ABCA3: variants seen among roughly 807,000 people sequenced by gnomAD.
ABCA3 encodes the protein ATP binding cassette subfamily A member 3, also known as phospholipid-transporting ATPase ABCA3.
A neutral mutation model predicts 172.8 loss-of-function variants in ABCA3; 88 were observed. The ratio of observed to expected loss-of-function variants is 0.51; its 90% CI spans 0.43 to 0.61. The LOEUF is 0.61. Among genes scored for constraint, ABCA3 ranks in the 20% least tolerant of loss-of-function variants. The probability of loss-of-function intolerance (pLI) is 0.00; values close to 1 mark genes in which losing one functional copy is unlikely to be tolerated. For synonymous variants in ABCA3, 1,066 were observed against 983.8 expected (o/e 1.08, Z -1.56); for missense variants, 2,164 against 2,301.0 (o/e 0.94, Z 1.22).
intron 11 of ABCA3, among the ~76,000 whole-genome samples, chr16:2,305,453 T>C (rs532981724): frequency 7.9e-5 from 12 of 152,206 alleles, no homozygotes; most frequent in African/African-American, 9.6e-5. Context: ...TGCGCCACCA[T>C]GCCCAGCTGA....
Position 2,284,712 on chromosome 16 carries a change from C to T in ABCA3, c.3703+67G>A. The T allele has an allele frequency of 6.5e-7, 1 of 1,528,316 alleles. No homozygotes were observed. The allele number at this position is 1,528,316 out of a possible 1,614,324, so 94.7% of individuals were successfully genotyped here. A position where few individuals can be genotyped will look rare whatever the true frequency, so the allele number is the denominator to read the frequency against. On this transcript the variant is annotated intron_variant, in intron 24 of 32. Coordinates refer to ENST00000301732, the MANE Select transcript of ABCA3 (RefSeq NM_001089.3). This position sits in a 1 kb window ranked among gnomAD's most constrained non-coding sequence, Gnocchi z 5.9. ...GTCCCGCCTCGGCTGTGGCTGGTGC[C>T]TCCCTGTCTGGGCGGAGTGGCTCCG...
chr16:2,285,244 C>T lies in ABCA3; in HGVS notation c.3483+198G>A, dbSNP rs2141694817. On this transcript the variant is annotated intron_variant, in intron 23 of 32. Coordinates refer to ENST00000301732, the MANE Select transcript of ABCA3 (RefSeq NM_001089.3). This position sits in a 1 kb window ranked among gnomAD's most constrained non-coding sequence, Gnocchi z 4.7. ...CCAGGATGGCTGCTCCGGGTGCTGC[C>T]CATGCATGGAGGGTAAAGGCTGAGG... 6.6e-6 allele frequency among the ~76,000 whole-genome samples: 1 copy of T among 152,302 alleles called. No individual in the cohort carries two copies. The highest frequency in any genetic ancestry group is 3.4e-3 in the Middle Eastern group (1 of 294).
At chr16:2,317,799 G>A (rs375788368) in intron 8 of ABCA3, 35 bp from the exon 9 acceptor site, 66 of 1,592,026 alleles carry the variant, frequency 4.1e-5, no homozygotes, top group African/African-American at 3.5e-4. Context: ...CTGGGGGCCC[G>A]TCACTGCCCG....
At chr16:2,339,417 G>A (rs184595196) in intron 1 of ABCA3, 1 of 152,216 alleles carries the variant, frequency 6.6e-6, no homozygotes, top group African/African-American at 2.4e-5. Flanking sequence ...AATTATCTAA[G>A]AAGTTAAAAA....
At chr16:2,331,255 C>G (rs1417552028) in intron 1 of ABCA3, among the ~76,000 whole-genome samples, 2 of 151,966 alleles carry the variant, frequency 1.3e-5, no homozygotes, top group Admixed American at 6.6e-5. Flanking sequence ...GCTCTGTCGC[C>G]GAGGCTGGGC....
intron 20 of ABCA3, chr16:2,289,230 C>T (rs1442026014): frequency 6.3e-6 from 4 of 635,152 alleles, no homozygotes; most frequent in Non-Finnish European, 1.1e-5. Context: ...TGAGGTAGAG[C>T]ATGAGAAATT....
In ABCA3 at chr16:2,279,989, G is replaced by GTT. The variant is rs1250000653; in HGVS notation, c.4360-860_4360-859insAA. Among the ~76,000 whole-genome samples the GTT allele has an allele frequency of 6.6e-6, 1 of 152,236 alleles. No homozygotes were observed. Among genetic ancestry groups the GTT allele is most frequent in the Non-Finnish European group, 1.5e-5 (1 of 68,050 alleles). ...TGGTCTCGAACTCTAGACCTCAAGTGATCTGCCTGCCTTGGCCTTCCAAAG... is the reference window on the plus strand; with the variant it reads ...TGGTCTCGAACTCTAGACCTCAAGTGTTATCTGCCTGCCTTGGCCTTCCAAAG... On this transcript the variant is annotated intron_variant, in intron 28 of 32. Coordinates refer to ENST00000301732, the MANE Select transcript of ABCA3 (RefSeq NM_001089.3). The surrounding 1 kb of genome is among the most constrained non-coding windows in gnomAD (Gnocchi z 4.4).
At chr16:2,290,001 A>ACACACACC (rs770697754) in intron 19 of ABCA3, among the ~76,000 whole-genome samples, 3 of 137,116 alleles carry the variant, frequency 2.2e-5, no homozygotes, top group African/African-American at 5.2e-5. Context: ...ACACACACAC[A>ACACACACC]CCCCTTCCTA....
chr16:2,283,035 G>T lies in ABCA3; in HGVS notation c.4035+151C>A. ...GCTGTGCCCCGCCCTGGCTGTAAGTGCCGGCTGGTGCTGAGGCCGTACAGT... is the reference window on the plus strand; with the variant it reads ...GCTGTGCCCCGCCCTGGCTGTAAGTTCCGGCTGGTGCTGAGGCCGTACAGT... On this transcript the variant is annotated intron_variant, in intron 26 of 32. Transcript: ENST00000301732. The surrounding 1 kb of genome is among the most constrained non-coding windows in gnomAD (Gnocchi z 5.4). The T allele has an allele frequency of 2.2e-6, 2 of 911,374 alleles. No individual in the cohort carries two copies. Among genetic ancestry groups the T allele is most frequent in the Non-Finnish European group, 3.4e-6 (2 of 584,104 alleles). 56.5% of individuals were successfully genotyped at this position (911,374 alleles called of 1,614,324 possible).
At chr16:2,280,115 A>ACT (rs145879113) in intron 28 of ABCA3, among the ~76,000 whole-genome samples, 4 of 150,058 alleles carry the variant, frequency 2.7e-5, no homozygotes, top group East Asian at 2.0e-4. Context: ...ACCCCCTGCC[A>ACT]CTCTCTCTCT....
intron 11 of ABCA3, 107 bp downstream of exon 11, chr16:2,308,343 C>T: frequency 7.1e-7 from 1 of 1,406,998 alleles, no homozygotes; most frequent in South Asian, 1.2e-5. Context: ...GTCCCAACTG[C>T]CTGCCAACCG....
chr16:2,286,899 C>T lies in ABCA3; in HGVS notation c.3073G>A (p.Val1025Met), dbSNP rs764783251. The T allele has an allele frequency of 1.8e-5, 29 of 1,613,960 alleles. No homozygotes were observed. The highest frequency in any genetic ancestry group is 2.2e-5 in the South Asian group (2 of 91,080). Reference sequence around the variant, plus strand: ...CCCACATCTCTGAAGGACGCTGCCACAAGGCACCGCTCATTAAAGCCGCCC... The same window carrying T: ...CCCACATCTCTGAAGGACGCTGCCATAAGGCACCGCTCATTAAAGCCGCCC... The part of the protein sequence containing the change: ...EGGGFNERCL[V>M]AASFRDVGER... The change falls in exon 22 of 33, where the codon GTG becomes ATG. Residue 1025 changes from valine (V) to methionine (M), a missense_variant. Transcript: ENST00000301732. This position sits in a 1 kb window ranked among gnomAD's most constrained non-coding sequence, Gnocchi z 5.2.
chr16:2,315,675 C>G (rs1279640641), intron 10 of ABCA3, among the ~76,000 whole-genome samples: 1 of 151,490 alleles, frequency 6.6e-6, no homozygotes, highest in Admixed American at 6.6e-5. Context: ...GATTTTTTTT[C>G]TTTTTTTGAG....
Position 2,316,527 on chromosome 16 carries a change from A to AT in ABCA3, c.1111+755_1111+756insA, listed in dbSNP as rs2093716147. Among the ~76,000 whole-genome samples the AT allele has an allele frequency of 2.9e-5, 4 of 136,788 alleles. No homozygotes were observed. In the South Asian group the frequency reaches 9.3e-4, roughly 32 times the overall value. 89.7% of individuals were successfully genotyped at this position (136,788 alleles called of 152,430 possible). Reference sequence around the variant, plus strand: ...AAAAAAAAAAAAAAAAAAAAAAAAAAATTAGCCAGGCGTGGTGGCACACGC... The same window carrying AT: ...AAAAAAAAAAAAAAAAAAAAAAAAAATATTAGCCAGGCGTGGTGGCACACGC... On this transcript the variant is annotated intron_variant, in intron 10 of 32. Coordinates refer to ENST00000301732, the MANE Select transcript of ABCA3 (RefSeq NM_001089.3).
intron 10 of ABCA3, among the ~76,000 whole-genome samples, chr16:2,316,460 C>G (rs2093715841): frequency 9.0e-6 from 1 of 111,402 alleles, no homozygotes; most frequent in Non-Finnish European, 1.7e-5. Flanking sequence ...GCCTGGACAA[C>G]ATGGCAAAAC....
At chr16:2,337,548 ATTT>A (rs544223399) in intron 1 of ABCA3, among the ~76,000 whole-genome samples, 3 of 125,182 alleles carry the variant, frequency 2.4e-5, no homozygotes, top group Admixed American at 8.0e-5. Flanking sequence ...TAATTGTTTG[ATTT>A]TTTTTTTTTT....
chr16:2,293,261 C>G (rs138858320), intron 18 of ABCA3, among the ~76,000 whole-genome samples: 3,724 of 151,604 alleles, frequency 0.025, 150 homozygotes, highest in African/African-American at 0.083. Flanking sequence ...CCGTGTTAGC[C>G]AGGATGGTCT....
At chr16:2,329,449 G>A (rs1179689214) in intron 2 of ABCA3, among the ~76,000 whole-genome samples, 199 bp downstream of exon 2, 1 of 152,172 alleles carries the variant, frequency 6.6e-6, no homozygotes, top group Non-Finnish European at 1.5e-5. Context: ...TACCAAGTGA[G>A]GAATATAAAA....
At position 2,308,389 on chromosome 16, in the gene ABCA3, G is replaced by A. The variant is rs2093701097; in HGVS notation, c.1285+61C>T. On this transcript the variant is annotated intron_variant, in intron 11 of 32. Transcript: ENST00000301732. Reference sequence around the variant, plus strand: ...AGCCTTGCTGCTGGCGGCTCTTGTGGTTGGGTGCTCTCGAAGGTTACTGAT... The same window carrying A: ...AGCCTTGCTGCTGGCGGCTCTTGTGATTGGGTGCTCTCGAAGGTTACTGAT... The A allele has an allele frequency of 2.5e-6, 4 of 1,606,016 alleles. No individual in the cohort carries two copies. The East Asian group carries it at 8.9e-5, about 36-fold the overall frequency.
Sources: allele counts gnomAD v4.1 joint callset (sites outside exome capture counted in the v4.1 genomes callset), GRCh38; gene constraint gnomAD v4.1.1; non-coding constraint Gnocchi (gnomAD v3.1); transcripts MANE v1.5; gene names NCBI Gene and HGNC (gene_info 2026-07-23, HGNC 2026-07-21).